Variants in HSD17B12 observed in about 807,000 individuals in gnomAD.
HSD17B12 encodes the protein hydroxysteroid 17-beta dehydrogenase 12, also known as very-long-chain 3-oxoacyl-CoA reductase.
HSD17B12 carries 32 observed loss-of-function variants against 39.3 expected under a neutral mutation model. The ratio of observed to expected loss-of-function variants is 0.81; its 90% CI spans 0.61 to 1.09. The LOEUF (loss-of-function observed/expected upper bound fraction) is 1.09. Ranked by LOEUF, HSD17B12 falls within the 50% of genes least tolerant of loss-of-function variation. HSD17B12 has a pLI of 0.00. For missense variants in HSD17B12, 342 were observed against 382.9 expected, an observed-to-expected ratio of 0.89 and a Z score of 0.89; for synonymous variants, 150 against 146.7, an observed-to-expected ratio of 1.02 and a Z score of -0.16.
intron 9 of HSD17B12, among the ~76,000 whole-genome samples, chr11:43,840,737 T>C (rs1050774477): frequency 2.0e-5 from 3 of 152,340 alleles, no homozygotes; most frequent in African/African-American, 4.8e-5. Flanking sequence ...TAAAATGCCA[T>C]TGTATATAGA....
At chr11:43,752,951 A>G (rs1018249725) in intron 2 of HSD17B12, among the ~76,000 whole-genome samples, 2 of 152,156 alleles carry the variant, frequency 1.3e-5, no homozygotes, top group African/African-American at 2.4e-5. Context: ...AATATCACTC[A>G]CTACTTAATA....
chr11:43,619,514 C>T, the HSD17B12 span, among the ~76,000 whole-genome samples: 9 of 151,142 alleles, frequency 6.0e-5, no homozygotes, highest in South Asian at 2.1e-4. Context: ...CTCAGCCTCC[C>T]GAGTAGCGGG....
chr11:43,728,768 A>G (rs1175253242), intron 1 of HSD17B12, among the ~76,000 whole-genome samples: 1 of 152,202 alleles, frequency 6.6e-6, no homozygotes, highest in Non-Finnish European at 1.5e-5. Context: ...TTGTTAATTA[A>G]AAAATAATCC....
Position 43,774,218 on chromosome 11 carries a change from A to AT in HSD17B12, c.283+20111dup, listed in dbSNP as rs879934677. ...AAGATGTTTTATGTAAGACTTTGTA[A>AT]TTTTTTTTTTTTTTGAGATGGAGTC... On this transcript the variant is annotated intron_variant, in intron 3 of 10. Transcript: ENST00000278353. Among the ~76,000 whole-genome samples, 1,397 of 145,614 alleles carry AT rather than the reference A, an allele frequency of 9.6e-3. 15 individuals are homozygous for AT. The highest frequency in any genetic ancestry group is 0.027 in the African/African-American group (1,080 of 39,912).
the HSD17B12 span, among the ~76,000 whole-genome samples, chr11:43,601,914 A>C: frequency 6.6e-6 from 1 of 152,250 alleles, no homozygotes; most frequent in Non-Finnish European, 1.5e-5. Flanking sequence ...GTCAGGGAGC[A>C]GATGGGAACC....
At chr11:43,710,189 T>G (rs1008031148) in intron 1 of HSD17B12, among the ~76,000 whole-genome samples, 3 of 152,250 alleles carry the variant, frequency 2.0e-5, no homozygotes, top group Non-Finnish European at 4.4e-5. Context: ...CCAACTATCC[T>G]TACAATGAGT....
chr11:43,821,649 A>C (rs993713836), intron 6 of HSD17B12, among the ~76,000 whole-genome samples: 14 of 152,312 alleles, frequency 9.2e-5, no homozygotes, highest in African/African-American at 3.4e-4. Context: ...TTGAACTGCT[A>C]TTGATTGCTA....
At position 43,688,250 on chromosome 11, in the gene HSD17B12, A is replaced by C. The variant is rs903383352; in HGVS notation, c.160+7263A>C. ...ATTTAATGAATACAATAAAATGGGAATTTATGCTTTTTGTAAGGGATGCTA... is the reference window on the plus strand; with the variant it reads ...ATTTAATGAATACAATAAAATGGGACTTTATGCTTTTTGTAAGGGATGCTA... On this transcript the variant is annotated intron_variant, in intron 1 of 10. Transcript: ENST00000278353. 2.6e-5 allele frequency among the ~76,000 whole-genome samples: 4 copies of C among 152,046 alleles called. No individual in the cohort carries two copies. The East Asian group carries it at 7.7e-4, about 29-fold the overall frequency.
the HSD17B12 span, among the ~76,000 whole-genome samples, chr11:43,629,620 G>T: frequency 3.4e-3 from 517 of 152,256 alleles, 3 homozygotes; most frequent in East Asian, 0.03. Flanking sequence ...TATCCCAAAG[G>T]ACATAGTACT....
chr11:43,797,340 GGACTT>G (rs1950924425), intron 3 of HSD17B12, among the ~76,000 whole-genome samples: 1 of 152,202 alleles, frequency 6.6e-6, no homozygotes, highest in Admixed American at 6.5e-5. Flanking sequence ...CTAGCTCACT[GGACTT>G]GACTAAGTAA....
the HSD17B12 span, among the ~76,000 whole-genome samples, chr11:43,620,327 A>G: frequency 2.0e-5 from 3 of 152,348 alleles, no homozygotes; most frequent in East Asian, 5.8e-4. Context: ...CAGAAAGACT[A>G]TAAAGTATGC....
chr11:43,718,823 A>C (rs1221014425), intron 1 of HSD17B12: 4 of 887,502 alleles, frequency 4.5e-6, no homozygotes, highest in Non-Finnish European at 5.6e-6. Context: ...CTGGTGGCCC[A>C]AGACACCACG....
chr11:43,653,995 C>T, the HSD17B12 span, among the ~76,000 whole-genome samples: 2 of 150,484 alleles, frequency 1.3e-5, no homozygotes, highest in Non-Finnish European at 3.0e-5. Flanking sequence ...GGTTGAACTA[C>T]TTTACGGTCC....
the HSD17B12 span, among the ~76,000 whole-genome samples, chr11:43,615,587 G>A: frequency 1.3e-5 from 2 of 152,136 alleles, no homozygotes; most frequent in African/African-American, 4.8e-5. Flanking sequence ...CACCACAGAA[G>A]GTGCTTCCAG....
chr11:43,723,024 A>G (rs1950189312), intron 1 of HSD17B12, among the ~76,000 whole-genome samples: 2 of 152,152 alleles, frequency 1.3e-5, no homozygotes, highest in Admixed American at 1.3e-4. Context: ...TTTTCTATTT[A>G]TTCCAATTCA....
At chr11:43,710,993 A>C (rs529381311) in intron 1 of HSD17B12, among the ~76,000 whole-genome samples, 1 of 152,076 alleles carries the variant, frequency 6.6e-6, no homozygotes, top group African/African-American at 2.4e-5. Flanking sequence ...GGGTTTCACT[A>C]TGTTGGCCAG....
chr11:43,659,115 G>A, the HSD17B12 span, among the ~76,000 whole-genome samples: 4 of 152,182 alleles, frequency 2.6e-5, no homozygotes, highest in Admixed American at 6.5e-5. Context: ...CCCCAGCCTC[G>A]CTGCTGCCTT....
chr11:43,649,418 T>C, the HSD17B12 span, among the ~76,000 whole-genome samples: 13 of 152,218 alleles, frequency 8.5e-5, no homozygotes, highest in African/African-American at 3.1e-4. Context: ...CACACTCTTA[T>C]TATATTCTTC....
chr11:43,702,981 A>G (rs914639738), intron 1 of HSD17B12, among the ~76,000 whole-genome samples: 1 of 152,086 alleles, frequency 6.6e-6, no homozygotes, highest in African/African-American at 2.4e-5. Context: ...GAATTTTTGC[A>G]TCAGTATTCA....
Sources: gnomAD v4.1 joint callset for allele counts (sites outside exome capture counted in the v4.1 genomes callset) on GRCh38, gnomAD v4.1.1 for gene constraint, MANE v1.5 for transcripts, NCBI Gene and HGNC (gene_info 2026-07-23, HGNC 2026-07-21) for gene names.